IL1RAPL2: variants seen among roughly 807,000 people sequenced by gnomAD.
IL1RAPL2 encodes the protein X-linked interleukin-1 receptor accessory protein-like 2.
IL1RAPL2 carries 3 observed loss-of-function variants against 44.1 expected under a neutral mutation model. The ratio of observed to expected loss-of-function variants is 0.07; its 90% CI spans 0.03 to 0.18. The LOEUF (loss-of-function observed/expected upper bound fraction) is 0.18. Ranked by LOEUF, IL1RAPL2 falls within the 10% of genes least tolerant of loss-of-function variation. The pLI, the probability that IL1RAPL2 is intolerant of heterozygous loss-of-function variation, is 1.00. For missense variants in IL1RAPL2, 391 were observed against 496.4 expected (o/e 0.79, Z 2.02); for synonymous variants, 181 against 178.8 (o/e 1.01, Z -0.10).
chrX:104,932,652 A>T (rs1924936668), intron 2 of IL1RAPL2, among the ~76,000 whole-genome samples: 1 of 112,209 alleles, frequency 8.9e-6, no homozygotes, highest in Non-Finnish European at 1.9e-5. Context: ...CCTTCAGGAG[A>T]AAATGAATTT....
chrX:104,804,230 A>G (rs1348293508), intron 2 of IL1RAPL2: 1 of 111,620 alleles, frequency 9.0e-6, no homozygotes, highest in Non-Finnish European at 1.9e-5. Flanking sequence ...GGGTGCTGTC[A>G]CCCAGTACTA....
intron 2 of IL1RAPL2, among the ~76,000 whole-genome samples, chrX:104,872,187 G>C (rs1308713029): frequency 1.8e-5 from 2 of 111,935 alleles, no homozygotes; most frequent in African/African-American, 6.5e-5. Context: ...GAAAATAATA[G>C]CTAAAGTGGC....
intron 2 of IL1RAPL2, among the ~76,000 whole-genome samples, chrX:104,899,728 A>C (rs1256020507): frequency 8.9e-6 from 1 of 111,743 alleles, no homozygotes; most frequent in Non-Finnish European, 1.9e-5. Context: ...TTCTGTGCCT[A>C]GAATGCCCTC....
In IL1RAPL2 at chrX:105,440,689, C is replaced by G. The variant is rs140093457; in HGVS notation, c.698-43624C>G. ...CTAAAGAAACAGTTTTGTTCAGAAACAACACCTTCTCTAAAATCTGGGCAT... is the reference window on the plus strand; with the variant it reads ...CTAAAGAAACAGTTTTGTTCAGAAAGAACACCTTCTCTAAAATCTGGGCAT... On this transcript the variant is annotated intron_variant, in intron 5 of 10. Coordinates refer to ENST00000372582, the MANE Select transcript of IL1RAPL2 (RefSeq NM_017416.2). Among the ~76,000 whole-genome samples, 928 of 112,245 alleles carry G rather than the reference C, an allele frequency of 8.3e-3. 8 individuals are homozygous for G. Among genetic ancestry groups the G allele is most frequent in the Non-Finnish European group, 0.012 (629 of 53,251 alleles).
intron 6 of IL1RAPL2, among the ~76,000 whole-genome samples, chrX:105,653,342 T>C (rs1407879845): frequency 9.0e-6 from 1 of 111,608 alleles, no homozygotes; most frequent in South Asian, 3.7e-4. Context: ...CCTCGACCCA[T>C]TGTTTGGCAT....
intron 2 of IL1RAPL2, among the ~76,000 whole-genome samples, chrX:104,713,192 T>G (rs1173710550): frequency 9.1e-6 from 1 of 110,486 alleles, no homozygotes; most frequent in Non-Finnish European, 1.9e-5. Flanking sequence ...TTCTTTAACT[T>G]TCAGGTTTAG....
intron 5 of IL1RAPL2, among the ~76,000 whole-genome samples, chrX:105,296,298 C>A (rs754346112): frequency 9.0e-6 from 1 of 111,517 alleles, no homozygotes; most frequent in African/African-American, 3.3e-5. Flanking sequence ...CCCTTGTCAT[C>A]CTTTAAGGCC....
chrX:104,647,500 A>G (rs769826420), intron 1 of IL1RAPL2: 4 of 544,802 alleles, frequency 7.3e-6, no homozygotes, highest in Admixed American at 2.3e-5. Context: ...TCAAGGACAC[A>G]TCGTCCAGGA....
intron 2 of IL1RAPL2, among the ~76,000 whole-genome samples, chrX:104,818,083 G>A (rs1043470172): frequency 8.2e-5 from 9 of 110,360 alleles, no homozygotes; most frequent in African/African-American, 1.3e-4. Context: ...TTGGCCGTGC[G>A]CGGTGGCTCA....
chrX:105,003,117 C>T (rs2030881686), intron 2 of IL1RAPL2, among the ~76,000 whole-genome samples: 1 of 110,832 alleles, frequency 9.0e-6, no homozygotes, highest in Non-Finnish European at 1.9e-5. Context: ...GGAAACCACC[C>T]AGGATATGCT....
intron 2 of IL1RAPL2, among the ~76,000 whole-genome samples, chrX:105,010,068 T>G (rs2031023152): frequency 9.0e-6 from 1 of 111,721 alleles, no homozygotes; most frequent in East Asian, 2.8e-4. Context: ...TTTTGTCATC[T>G]TTTATGTAGA....
At chrX:104,651,487 T>C (rs1930151977) in intron 1 of IL1RAPL2, among the ~76,000 whole-genome samples, 1 of 111,899 alleles carries the variant, frequency 8.9e-6, no homozygotes, top group Non-Finnish European at 1.9e-5. Flanking sequence ...TTTGCCACCA[T>C]TTATAAAATA....
At chrX:105,725,978 G>A (rs2038347941) in intron 7 of IL1RAPL2, among the ~76,000 whole-genome samples, 1 of 110,945 alleles carries the variant, frequency 9.0e-6, no homozygotes, top group Non-Finnish European at 1.9e-5. Context: ...TGAAGGAGTG[G>A]TGAATACTAT....
chrX:105,029,446 T>C (rs1168313823), intron 2 of IL1RAPL2, among the ~76,000 whole-genome samples: 7 of 82,226 alleles, frequency 8.5e-5, no homozygotes, highest in East Asian at 4.3e-4. Context: ...GTTCCCCTTC[T>C]TGTGTCCATG....
chrX:105,545,894 G>T (rs2036792806), intron 6 of IL1RAPL2, among the ~76,000 whole-genome samples: 1 of 111,846 alleles, frequency 8.9e-6, no homozygotes, highest in African/African-American at 3.3e-5. Flanking sequence ...GGGTTTGCCA[G>T]AAGTGTGTAG....
intron 6 of IL1RAPL2, among the ~76,000 whole-genome samples, chrX:105,556,400 C>A (rs1426473025): frequency 1.8e-5 from 2 of 111,309 alleles, no homozygotes; most frequent in Non-Finnish European, 3.8e-5. Flanking sequence ...CCATCAACCA[C>A]AAAATGGAAT....
chrX:104,710,303 C>A (rs149344827), intron 2 of IL1RAPL2, among the ~76,000 whole-genome samples: 1 of 110,803 alleles, frequency 9.0e-6, no homozygotes, highest in Admixed American at 9.6e-5. Context: ...ATTATTTAGC[C>A]GTAAAAGGTA....
intron 5 of IL1RAPL2, among the ~76,000 whole-genome samples, chrX:105,387,480 G>A (rs113558986): frequency 0.061 from 6,674 of 109,680 alleles, 501 homozygotes; most frequent in African/African-American, 0.21. Context: ...TGATCCACCC[G>A]CCTCGGCCTC....
intron 3 of IL1RAPL2, among the ~76,000 whole-genome samples, chrX:105,211,134 A>C (rs929365808): frequency 9.0e-6 from 1 of 111,184 alleles, no homozygotes; most frequent in Non-Finnish European, 1.9e-5. Context: ...TCCTACATTT[A>C]TCATGGTGGT....
Sources: allele counts gnomAD v4.1 joint callset (sites outside exome capture counted in the v4.1 genomes callset), GRCh38; gene constraint gnomAD v4.1.1; transcripts MANE v1.5; gene names NCBI Gene and HGNC (gene_info 2026-07-23, HGNC 2026-07-21).